Variants in RAB3IL1 observed in about 807,000 individuals in gnomAD.
RAB3IL1 encodes guanine nucleotide exchange factor for Rab-3A.
RAB3IL1 carries 37 observed loss-of-function variants against 49.2 expected under a neutral mutation model. The observed-to-expected ratio is 0.75, with a 90% confidence interval of 0.58 to 0.99. RAB3IL1 has a LOEUF of 0.99. Among genes scored for constraint, RAB3IL1 ranks in the 50% least tolerant of loss-of-function variants. The probability of loss-of-function intolerance (pLI) is 0.00; values close to 1 mark genes in which losing one functional copy is unlikely to be tolerated. For missense variants in RAB3IL1, 484 were observed against 513.0 expected (o/e 0.94, Z 0.55); for synonymous variants, 193 against 213.9 (o/e 0.90, Z 0.85).
chr11:61,921,445 T>TC (rs367804711), upstream of RAB3IL1, among the ~76,000 whole-genome samples: 587 of 152,172 alleles, frequency 3.9e-3, 3 homozygotes, highest in African/African-American at 0.013. Context: ...CCACATACTA[T>TC]CCCCCCTGAC....
chr11:61,934,319 T>TATACACACAC, the RAB3IL1 span, among the ~76,000 whole-genome samples: 1,495 of 126,540 alleles, frequency 0.012, 17 homozygotes, highest in Middle Eastern at 0.016. Flanking sequence ...TGAGTAAATA[T>TATACACACAC]ACACACACAC....
the RAB3IL1 span, among the ~76,000 whole-genome samples, chr11:61,941,535 G>T: frequency 6.6e-6 from 1 of 152,062 alleles, no homozygotes; most frequent in Non-Finnish European, 1.5e-5. Flanking sequence ...GGTGTATCAC[G>T]AGGTCAGGAG....
upstream of RAB3IL1, among the ~76,000 whole-genome samples, chr11:61,923,959 A>G (rs555764407): frequency 3.0e-4 from 46 of 152,288 alleles, no homozygotes; most frequent in African/African-American, 1.1e-3. Flanking sequence ...CAGGCCCCTC[A>G]GGGAAGGGCA....
At position 61,917,448 on chromosome 11, in the gene RAB3IL1, T is replaced by G. The variant is rs1254989068; in HGVS notation, c.-81A>C. On this transcript the variant is annotated 5_prime_UTR_variant, in exon 1 of 10. Coordinates refer to ENST00000394836, the MANE Select transcript of RAB3IL1 (RefSeq NM_013401.4). ...CGCCGCGTCCCCGCCCGCCGCCGACTCCGCCAGGGGCCGAGCCGCCCCACC... is the reference window on the plus strand; with the variant it reads ...CGCCGCGTCCCCGCCCGCCGCCGACGCCGCCAGGGGCCGAGCCGCCCCACC... 2.7e-5 allele frequency: 32 copies of G among 1,178,836 alleles called. No individual in the cohort carries two copies. Among genetic ancestry groups the G allele is most frequent in the African/African-American group, 3.2e-5 (2 of 61,902 alleles). 73.0% of individuals were successfully genotyped at this position (1,178,836 alleles called of 1,614,324 possible). A position where few individuals can be genotyped will look rare whatever the true frequency, so the allele number is the denominator to read the frequency against.
At chr11:61,934,426 ATG>A in the RAB3IL1 span, among the ~76,000 whole-genome samples, 144 of 41,838 alleles carry the variant, frequency 3.4e-3, 4 homozygotes, top group African/African-American at 5.5e-3. Flanking sequence ...ATATATGTGT[ATG>A]TGTGTGTGTG....
chr11:61,915,919 T>C (rs553810961), intron 1 of RAB3IL1, among the ~76,000 whole-genome samples: 4 of 151,306 alleles, frequency 2.6e-5, no homozygotes, highest in Non-Finnish European at 4.4e-5. Context: ...GCGCCTGTAG[T>C]CCCAGCTACT....
Position 61,902,560 on chromosome 11 carries a change from G to A in RAB3IL1, c.900-19C>T, listed in dbSNP as rs771492421. The A allele has an allele frequency of 1.3e-6, 2 of 1,580,778 alleles. No homozygotes were observed. The highest frequency in any genetic ancestry group is 1.7e-6 in the Non-Finnish European group (2 of 1,164,266). ...ACATGTGCTAGGGGAAAGCAAAATGGGTCACGGGGGCTGGCTGGGGCTTGC... is the reference window on the plus strand; with the variant it reads ...ACATGTGCTAGGGGAAAGCAAAATGAGTCACGGGGGCTGGCTGGGGCTTGC... On this transcript the variant is annotated intron_variant, in intron 7 of 9. Transcript: ENST00000394836.
At chr11:61,915,080 A>G (rs1442972356) in intron 1 of RAB3IL1, among the ~76,000 whole-genome samples, 1 of 152,194 alleles carries the variant, frequency 6.6e-6, no homozygotes, top group East Asian at 1.9e-4. Context: ...ACAGAGCTCA[A>G]GGTAACCCCC....
chr11:61,937,431 G>C, the RAB3IL1 span, among the ~76,000 whole-genome samples: 1 of 152,036 alleles, frequency 6.6e-6, no homozygotes, highest in East Asian at 1.9e-4. Flanking sequence ...CTCAGCCTCT[G>C]AGTAGCTGGG....
chr11:61,912,291 T>C (rs1939487241), intron 1 of RAB3IL1, among the ~76,000 whole-genome samples: 1 of 152,174 alleles, frequency 6.6e-6, no homozygotes, highest in Non-Finnish European at 1.5e-5. Flanking sequence ...CCTGTTCAGA[T>C]TCACGCTCAG....
rs749237172 is a variant in RAB3IL1 at position 61,908,277 on chromosome 11, G to A, written c.41C>T (p.Pro14Leu). 39 of 1,500,636 alleles carry A rather than the reference G, an allele frequency of 2.6e-5. No homozygotes were observed. Among genetic ancestry groups the A allele is most frequent in the East Asian group, 4.7e-5 (2 of 42,316 alleles). The allele number at this position is 1,500,636 out of a possible 1,614,324, so 93.0% of individuals were successfully genotyped here. ...GGGGACCGGGACAGCTGCAAGGGGC[G>A]GCGGGAGGCCCTGGTCTGGCTGGGG... The part of the protein sequence containing the change: ...GPPQPDQGLP[P>L]PLAAVPVPWK... The change falls in exon 2 of 10, where the codon CCG becomes CTG. Residue 14 changes from proline (P) to leucine (L), a missense_variant. Transcript: ENST00000394836.
intron 7 of RAB3IL1, among the ~76,000 whole-genome samples, chr11:61,902,856 C>T (rs1938990310): frequency 6.6e-6 from 1 of 152,164 alleles, no homozygotes. Flanking sequence ...ATATGCCTCT[C>T]CCTCTACTTC....
chr11:61,933,944 C>G, the RAB3IL1 span, among the ~76,000 whole-genome samples: 3 of 148,966 alleles, frequency 2.0e-5, no homozygotes. Flanking sequence ...GACCTTGTCT[C>G]AGAAAAAAAA....
chr11:61,934,450 G>GTGTATGTATATATATATATA, the RAB3IL1 span, among the ~76,000 whole-genome samples: 1 of 31,616 alleles, frequency 3.2e-5, no homozygotes, highest in African/African-American at 9.2e-5. Flanking sequence ...GTGTGTGTAT[G>GTGTATGTATATATATATATA]TATATATATA....
chr11:61,918,052 A>C (rs1464250095), upstream of RAB3IL1, among the ~76,000 whole-genome samples: 2 of 150,700 alleles, frequency 1.3e-5, no homozygotes, highest in African/African-American at 4.9e-5. Flanking sequence ...TTCTGGTCCA[A>C]CTCTCCTCAC....
upstream of RAB3IL1, among the ~76,000 whole-genome samples, chr11:61,925,253 A>G (rs1210899106): frequency 6.6e-6 from 1 of 152,180 alleles, no homozygotes; most frequent in African/African-American, 2.4e-5. Context: ...TTGTTTTCTT[A>G]TCTCTCCACC....
the RAB3IL1 span, among the ~76,000 whole-genome samples, chr11:61,940,641 G>A: frequency 2.0e-4 from 30 of 151,784 alleles, no homozygotes; most frequent in African/African-American, 7.3e-4. Context: ...TTAAAAGTTA[G>A]GCTGGGCGCG....
At chr11:61,922,356 C>A (rs1452978403), upstream of RAB3IL1, among the ~76,000 whole-genome samples, 1 of 151,314 alleles carries the variant, frequency 6.6e-6, no homozygotes, top group Non-Finnish European at 1.5e-5. Flanking sequence ...AACCCCATCT[C>A]TACTAAAAAT....
chr11:61,933,878 CA>C, the RAB3IL1 span, among the ~76,000 whole-genome samples: 2 of 151,756 alleles, frequency 1.3e-5, no homozygotes, highest in African/African-American at 4.8e-5. Flanking sequence ...CCAAGAGGTG[CA>C]GGCGGCAATG....
Sources: gnomAD v4.1 joint callset for allele counts (sites outside exome capture counted in the v4.1 genomes callset) on GRCh38, gnomAD v4.1.1 for gene constraint, MANE v1.5 for transcripts, NCBI Gene and HGNC (gene_info 2026-07-23, HGNC 2026-07-21) for gene names.